RPS6KA2: variants seen among roughly 807,000 people sequenced by gnomAD.
The protein encoded by RPS6KA2 is ribosomal protein S6 kinase A2.
A neutral mutation model predicts 91.8 loss-of-function variants in RPS6KA2; 42 were observed. The ratio of observed to expected loss-of-function variants is 0.46; its 90% CI spans 0.36 to 0.59. RPS6KA2 has a LOEUF of 0.59. RPS6KA2 is among the 20% of genes least tolerant of loss of function. RPS6KA2 has a pLI of 0.00. For synonymous variants in RPS6KA2, 414 were observed against 393.6 expected (o/e 1.05, Z -0.61); for missense variants, 798 against 978.5 (o/e 0.82, Z 2.46).
chr6:166,541,302 A>G (rs932314706), intron 1 of RPS6KA2, among the ~76,000 whole-genome samples: 5 of 152,186 alleles, frequency 3.3e-5, no homozygotes, highest in African/African-American at 4.8e-5. Context: ...GAGGCTTCAC[A>G]CTGCAGCCAC....
chr6:166,773,116 C>G (rs934700962), intron 2 of RPS6KA2, among the ~76,000 whole-genome samples: 3 of 152,168 alleles, frequency 2.0e-5, no homozygotes, highest in Admixed American at 2.0e-4. Flanking sequence ...GCTTCCAGCT[C>G]CAGAAGGAAA....
intron 2 of RPS6KA2, among the ~76,000 whole-genome samples, chr6:166,793,265 A>C (rs1562442920): frequency 1.3e-5 from 2 of 148,378 alleles, no homozygotes; most frequent in African/African-American, 5.0e-5. Context: ...TGCTTCAAAG[A>C]GAATAAAATA....
chr6:166,532,653 A>C (rs1385244732), intron 2 of RPS6KA2, among the ~76,000 whole-genome samples: 3 of 151,802 alleles, frequency 2.0e-5, no homozygotes, highest in African/African-American at 7.3e-5. Flanking sequence ...CAGCACCCCT[A>C]CCCGGGGTGC....
rs1366926427 is a variant in RPS6KA2 at position 166,794,075 on chromosome 6, A to G, written c.123+64125T>C. ...CATCAGAGTGAACAAGCAACCTACAAAATGGGAGAAAATTTTTGCAACCTA... is the reference window on the plus strand; with the variant it reads ...CATCAGAGTGAACAAGCAACCTACAGAATGGGAGAAAATTTTTGCAACCTA... On this transcript the variant is annotated intron_variant, in intron 2 of 21. Transcript: ENST00000503859. Among the ~76,000 whole-genome samples, 31 of 141,040 alleles carry G rather than the reference A, an allele frequency of 2.2e-4. No homozygotes were observed. In the South Asian group the frequency reaches 7.2e-3, roughly 33 times the overall value. 92.5% of individuals were successfully genotyped at this position (141,040 alleles called of 152,430 possible).
intron 16 of RPS6KA2, among the ~76,000 whole-genome samples, chr6:166,427,103 A>G (rs1778949597): frequency 6.6e-6 from 1 of 152,266 alleles, no homozygotes; most frequent in Admixed American, 6.5e-5. Context: ...CTTATCCACC[A>G]TGATCAAGTG....
chr6:166,604,492 A>C (rs1785869513), intron 1 of RPS6KA2, among the ~76,000 whole-genome samples: 1 of 152,176 alleles, frequency 6.6e-6, no homozygotes, highest in Admixed American at 6.5e-5. Context: ...AAGTTGCCGG[A>C]GCTGGGTTCA....
chr6:166,762,080 C>A (rs1014297079), intron 2 of RPS6KA2, among the ~76,000 whole-genome samples: 2 of 152,264 alleles, frequency 1.3e-5, no homozygotes. Flanking sequence ...CCTGGTGTCA[C>A]CACAGAGGTA....
In RPS6KA2 at chr6:166,419,955, G is replaced by A; in HGVS notation, c.1747C>T (p.Leu583=). The change falls in exon 18 of 21, where the codon CTG becomes TTG. Residue 583 remains leucine, a synonymous_variant. Coordinates refer to ENST00000265678, the MANE Select transcript of RPS6KA2 (RefSeq NM_021135.6). The surrounding 1 kb of genome is among the most constrained non-coding windows in gnomAD (Gnocchi z 5.6). The stretch of plus-strand genomic sequence containing the variant: ...GCCGCATCATAGCCTTGACGCTTCA[G>A]GACCTAGGAGGGAACGACAGGACAC... ...YTANFVAPEV[L]KRQGYDAACD... 2 of 1,613,618 alleles carry A rather than the reference G, an allele frequency of 1.2e-6. No individual in the cohort carries two copies. The highest frequency in any genetic ancestry group is 1.7e-6 in the Non-Finnish European group (2 of 1,179,676).
At chr6:166,663,238 C>T (rs1788209871) in intron 2 of RPS6KA2, among the ~76,000 whole-genome samples, 1 of 152,210 alleles carries the variant, frequency 6.6e-6, no homozygotes. Context: ...ACTGTATCAT[C>T]CCAGAAGGCA....
chr6:166,654,922 A>G (rs572771221), intron 2 of RPS6KA2, among the ~76,000 whole-genome samples: 1 of 152,072 alleles, frequency 6.6e-6, no homozygotes, highest in African/African-American at 2.4e-5. Flanking sequence ...TAGCTCCTCA[A>G]CCTTTCCCCT....
At chr6:166,683,268 C>T (rs1434286557) in intron 2 of RPS6KA2, among the ~76,000 whole-genome samples, 1 of 152,200 alleles carries the variant, frequency 6.6e-6, no homozygotes, top group African/African-American at 2.4e-5. Flanking sequence ...CAAAAGTGCA[C>T]AAAGTTTTAA....
In RPS6KA2 at chr6:166,639,880, C is replaced by T. The variant is rs1005879588; in HGVS notation, c.124-101096G>A. On this transcript the variant is annotated intron_variant, in intron 2 of 21. Transcript: ENST00000503859. The surrounding 1 kb of genome is among the most constrained non-coding windows in gnomAD (Gnocchi z 4.2). Reference sequence around the variant, plus strand: ...TGCTGTATTAAAACTTTGGGTTCCCCTCTCTCTCCCACCAATGTTAAACTA... The same window carrying T: ...TGCTGTATTAAAACTTTGGGTTCCCTTCTCTCTCCCACCAATGTTAAACTA... Among the ~76,000 whole-genome samples, 5 of 152,122 alleles carry T rather than the reference C, an allele frequency of 3.3e-5. No homozygotes were observed. Among genetic ancestry groups the T allele is most frequent in the Admixed American group, 1.3e-4 (2 of 15,276 alleles).
intron 2 of RPS6KA2, among the ~76,000 whole-genome samples, chr6:166,723,605 C>T (rs1037647113): frequency 6.6e-6 from 1 of 152,072 alleles, no homozygotes; most frequent in Non-Finnish European, 1.5e-5. Context: ...GTTGGGTGCA[C>T]TGTGATTAGA....
intron 1 of RPS6KA2, among the ~76,000 whole-genome samples, chr6:166,618,172 C>T (rs1475103260): frequency 6.6e-6 from 1 of 152,246 alleles, no homozygotes; most frequent in Non-Finnish European, 1.5e-5. Context: ...AGCCACATCA[C>T]AGGGAAGAAA....
At chr6:166,466,484 G>A (rs545190547) in intron 11 of RPS6KA2, among the ~76,000 whole-genome samples, 6 of 152,350 alleles carry the variant, frequency 3.9e-5, no homozygotes, top group Admixed American at 1.3e-4. Flanking sequence ...GTCACCTGGG[G>A]GTTCGGTGTG....
chr6:166,620,435 C>T (rs762664682), intron 1 of RPS6KA2, among the ~76,000 whole-genome samples: 1 of 152,198 alleles, frequency 6.6e-6, no homozygotes, highest in Non-Finnish European at 1.5e-5. Context: ...ATGCCAGAAA[C>T]AGCGTGGAAA....
At chr6:166,443,562 A>C (rs1385805148) in intron 14 of RPS6KA2, among the ~76,000 whole-genome samples, 1 of 152,206 alleles carries the variant, frequency 6.6e-6, no homozygotes, top group Admixed American at 6.5e-5. Context: ...TTTAAAGCGG[A>C]TCCTTCCAAC....
intron 2 of RPS6KA2, among the ~76,000 whole-genome samples, chr6:166,857,805 A>G (rs894880628): frequency 4.6e-5 from 7 of 152,180 alleles, no homozygotes; most frequent in Non-Finnish European, 1.0e-4. Flanking sequence ...ACCTCATCAG[A>G]CATTTTAAGC....
At chr6:166,804,894 T>C (rs1779452779) in intron 2 of RPS6KA2, among the ~76,000 whole-genome samples, 1 of 152,244 alleles carries the variant, frequency 6.6e-6, no homozygotes, top group Non-Finnish European at 1.5e-5. Flanking sequence ...AAGGAATTAA[T>C]AGAGGCATCT....
Sources: allele counts gnomAD v4.1 joint callset (sites outside exome capture counted in the v4.1 genomes callset), GRCh38; gene constraint gnomAD v4.1.1; non-coding constraint Gnocchi (gnomAD v3.1); transcripts MANE v1.5; gene names NCBI Gene and HGNC (gene_info 2026-07-23, HGNC 2026-07-21).